IPO11: variants seen among roughly 807,000 people sequenced by gnomAD.
The protein encoded by IPO11 is importin 11.
IPO11 carries 66 observed loss-of-function variants against 143.2 expected under a neutral mutation model. The ratio of observed to expected loss-of-function variants is 0.46; its 90% CI spans 0.38 to 0.57. The LOEUF is 0.57. Among genes scored for constraint, IPO11 ranks in the 20% least tolerant of loss-of-function variants. The probability of loss-of-function intolerance (pLI) is 0.00; values close to 1 mark genes in which losing one functional copy is unlikely to be tolerated. For missense variants in IPO11, 1,026 were observed against 1,141.0 expected, an observed-to-expected ratio of 0.90 and a Z score of 1.45; for synonymous variants, 385 against 377.8, an observed-to-expected ratio of 1.02 and a Z score of -0.22.
chr5:62,592,145 C>T lies in IPO11; in HGVS notation c.2678+473C>T, dbSNP rs185963674. Among the ~76,000 whole-genome samples, 121 of 152,282 alleles carry T rather than the reference C, an allele frequency of 7.9e-4. 1 individual carries two copies. The highest frequency in any genetic ancestry group is 1.6e-3 in the Non-Finnish European group (107 of 68,018). Reference sequence around the variant, plus strand: ...GATTACAGGCATGAGCCACCATGCCCGGCTGGTATCAGCTTTATTATGTTA... The same window carrying T: ...GATTACAGGCATGAGCCACCATGCCTGGCTGGTATCAGCTTTATTATGTTA... On this transcript the variant is annotated intron_variant, in intron 28 of 29. Transcript: ENST00000325324.
intron 26 of IPO11, among the ~76,000 whole-genome samples, chr5:62,558,645 C>T (rs527379839): frequency 1.3e-5 from 2 of 152,184 alleles, no homozygotes; most frequent in East Asian, 1.9e-4. Flanking sequence ...TGACAATAAA[C>T]AGTTGTGTTT....
chr5:62,504,641 A>T, intron 16 of IPO11, 26 bp from the exon 17 acceptor site: 1 of 1,348,200 alleles, frequency 7.4e-7, no homozygotes, highest in Non-Finnish European at 1.0e-6. Context: ...AAAATAATTA[A>T]AAACTAATGA....
intron 2 of IPO11, among the ~76,000 whole-genome samples, chr5:62,438,537 G>T (rs970498359): frequency 6.6e-6 from 1 of 152,056 alleles, no homozygotes; most frequent in Non-Finnish European, 1.5e-5. Context: ...TGGATCACCT[G>T]AGGTCAGGAG....
At chr5:62,584,781 G>A (rs972216845) in intron 27 of IPO11, among the ~76,000 whole-genome samples, 1 of 150,034 alleles carries the variant, frequency 6.7e-6, no homozygotes, top group African/African-American at 2.5e-5. Flanking sequence ...ACTACCACTG[G>A]TCATCACTTT....
chr5:62,483,252 T>C lies in IPO11; in HGVS notation c.980T>C (p.Ile327Thr). 6.2e-7 allele frequency: 1 copy of C among 1,604,720 alleles called. No homozygotes were observed. Residue 327 changes from isoleucine (I) to threonine (T), a missense_variant, in exon 10 of 30, where the codon ATT becomes ACT. Transcript: ENST00000325324. ...IVQCMNLIKM[I>T]VKNYAYKPSK... is the part of the protein sequence containing the mutation. ...CAATGTATGAATCTTATTAAGATGA[T>C]TGTCAAAAATTATGCTTATAAGCCA...
intron 27 of IPO11, among the ~76,000 whole-genome samples, chr5:62,566,620 C>T (rs1743947935): frequency 6.6e-6 from 1 of 151,658 alleles, no homozygotes; most frequent in Non-Finnish European, 1.5e-5. Context: ...TGCCTATAAT[C>T]CTAGCTACTC....
intron 27 of IPO11, among the ~76,000 whole-genome samples, chr5:62,574,739 G>A (rs867757592): frequency 5.3e-5 from 8 of 152,152 alleles, no homozygotes; most frequent in South Asian, 2.1e-4. Flanking sequence ...ATTGTCCATG[G>A]AAATAAAATA....
At chr5:62,547,296 A>T (rs936026988) in intron 24 of IPO11, among the ~76,000 whole-genome samples, 16 of 152,158 alleles carry the variant, frequency 1.1e-4, no homozygotes, top group African/African-American at 3.9e-4. Context: ...GGCATTTTTC[A>T]CTATAAGAGA....
At chr5:62,480,901 CTTTCA>C (rs1746172659) in intron 9 of IPO11, among the ~76,000 whole-genome samples, 1 of 134,932 alleles carries the variant, frequency 7.4e-6, no homozygotes, top group Non-Finnish European at 1.6e-5. Context: ...TTGACTTCCT[CTTTCA>C]TTTTTTTTTT....
intron 27 of IPO11, among the ~76,000 whole-genome samples, chr5:62,587,885 G>A (rs1219013721): frequency 1.3e-5 from 2 of 152,144 alleles, no homozygotes; most frequent in Non-Finnish European, 2.9e-5. Context: ...ACAATTTGAG[G>A]CCCTGATGCT....
At chr5:62,568,585 A>AT in intron 27 of IPO11, among the ~76,000 whole-genome samples, 1 of 150,776 alleles carries the variant, frequency 6.6e-6, no homozygotes, top group African/African-American at 2.4e-5. Flanking sequence ...AAAAAAAAAA[A>AT]AAAAAAAAAA....
intron 1 of IPO11, among the ~76,000 whole-genome samples, chr5:62,432,580 A>G (rs984281422): frequency 2.6e-5 from 4 of 152,172 alleles, no homozygotes; most frequent in African/African-American, 4.8e-5. Context: ...AGATTTAGTA[A>G]TATTTGTCAC....
At chr5:62,611,853 A>G (rs1233349684) in intron 29 of IPO11, among the ~76,000 whole-genome samples, 2 of 152,034 alleles carry the variant, frequency 1.3e-5, no homozygotes. Flanking sequence ...TCTTTTTCTC[A>G]ATAAATTGTA....
chr5:62,592,834 G>A (rs757647375), intron 28 of IPO11, among the ~76,000 whole-genome samples: 33 of 152,028 alleles, frequency 2.2e-4, no homozygotes, highest in Non-Finnish European at 7.4e-5. Context: ...GAGGGTAATC[G>A]CCCCCATGAT....
rs368729316 is a variant in IPO11, at chr5:62,451,973, G to A, written c.516+40G>A. 42 of 1,543,990 alleles carry A rather than the reference G, an allele frequency of 2.7e-5. No individual in the cohort carries two copies. In the African/African-American group the frequency reaches 4.9e-4, roughly 18 times the overall value. ...ATAGTTAAATTTGATTATGAAAATTGTGCGGCCGGGCGTGGTGGCTTATGC... is the reference window on the plus strand; with the variant it reads ...ATAGTTAAATTTGATTATGAAAATTATGCGGCCGGGCGTGGTGGCTTATGC... On this transcript the variant is annotated intron_variant, in intron 5 of 29. Transcript: ENST00000325324.
At chr5:62,468,243 G>A (rs1187692929) in intron 6 of IPO11, among the ~76,000 whole-genome samples, 2 of 152,112 alleles carry the variant, frequency 1.3e-5, no homozygotes, top group Non-Finnish European at 2.9e-5. Flanking sequence ...TTGATCTCAG[G>A]CAGCATCAGT....
chr5:62,555,476 CTAATTATT>C (rs1253244242), intron 26 of IPO11, among the ~76,000 whole-genome samples: 4 of 121,198 alleles, frequency 3.3e-5, no homozygotes, highest in Admixed American at 1.7e-4. Context: ...CCACACCTGG[CTAATTATT>C]TATTTATTTA....
intron 29 of IPO11, among the ~76,000 whole-genome samples, chr5:62,626,167 C>G (rs1011508678): frequency 2.0e-5 from 3 of 152,044 alleles, no homozygotes; most frequent in African/African-American, 4.8e-5. Flanking sequence ...GTAGCTGGGA[C>G]TACAGGCGTG....
At chr5:62,536,907 A>G (rs1378175828) in intron 23 of IPO11, 126 bp downstream of exon 23, 1 of 1,074,250 alleles carries the variant, frequency 9.3e-7, no homozygotes, top group East Asian at 3.1e-5. Flanking sequence ...AGAAACATTG[A>G]CTGTGAGCAT....
Sources: allele counts gnomAD v4.1 joint callset (sites outside exome capture counted in the v4.1 genomes callset), GRCh38; gene constraint gnomAD v4.1.1; transcripts MANE v1.5; gene names NCBI Gene and HGNC (gene_info 2026-07-23, HGNC 2026-07-21).